SLC22A24: variants seen among roughly 807,000 people sequenced by gnomAD.
SLC22A24 encodes solute carrier family 22 member 24, also known as steroid transmembrane transporter SLC22A24.
SLC22A24 carries 53 observed loss-of-function variants against 49.8 expected under a neutral mutation model. That is an observed-to-expected ratio of 1.06 (90% CI 0.85 to 1.34). SLC22A24 has a LOEUF of 1.34. SLC22A24 is among the 40% of genes most tolerant of loss of function. The pLI, the probability that SLC22A24 is intolerant of heterozygous loss-of-function variation, is 0.00. For synonymous variants in SLC22A24, 302 were observed against 256.4 expected (o/e 1.18, Z -1.70); for missense variants, 786 against 675.9 (o/e 1.16, Z -1.81).
At chr11:63,122,550 C>A (rs2087259347) in intron 2 of SLC22A24, among the ~76,000 whole-genome samples, 1 of 152,130 alleles carries the variant, frequency 6.6e-6, no homozygotes. Context: ...GAGTCTTGCT[C>A]TGCCACCAGG....
intron 4 of SLC22A24, among the ~76,000 whole-genome samples, chr11:63,117,167 G>A (rs1361494146): frequency 6.6e-6 from 1 of 152,026 alleles, no homozygotes; most frequent in Admixed American, 6.6e-5. Context: ...TGAAAACTAG[G>A]CCTTTTAAAC....
At chr11:63,087,062 G>A (rs66887320) in intron 6 of SLC22A24, among the ~76,000 whole-genome samples, 16 of 137,012 alleles carry the variant, frequency 1.2e-4, no homozygotes, top group South Asian at 2.4e-4. Context: ...ACACACAGAG[G>A]GAGAGAGAGA....
At chr11:63,098,766 A>G (rs191902825) in intron 5 of SLC22A24, among the ~76,000 whole-genome samples, 78 of 152,252 alleles carry the variant, frequency 5.1e-4, no homozygotes, top group African/African-American at 1.7e-3. Context: ...CCCCCAAAAT[A>G]GTAGAAGTAA....
chr11:63,128,691 C>T (rs1284434641), intron 2 of SLC22A24, among the ~76,000 whole-genome samples: 1 of 150,718 alleles, frequency 6.6e-6, no homozygotes, highest in East Asian at 1.9e-4. Context: ...TCTGCCTCAG[C>T]TGCCAAATTG....
At chr11:63,122,281 T>C (rs1028143669) in intron 2 of SLC22A24, among the ~76,000 whole-genome samples, 15 of 152,152 alleles carry the variant, frequency 9.9e-5, no homozygotes, top group African/African-American at 3.1e-4. Context: ...CGCTCTTTCA[T>C]AGAAATTAAA....
intron 2 of SLC22A24, among the ~76,000 whole-genome samples, chr11:63,127,792 G>T (rs2087302550): frequency 6.6e-6 from 1 of 151,412 alleles, no homozygotes; most frequent in South Asian, 2.1e-4. Flanking sequence ...GAGAAATGTT[G>T]TTCATATCCT....
chr11:63,113,237 T>G (rs2087187641), intron 4 of SLC22A24, among the ~76,000 whole-genome samples: 1 of 137,280 alleles, frequency 7.3e-6, no homozygotes, highest in Non-Finnish European at 1.5e-5. Context: ...TACATATATA[T>G]ATATATACAC....
At chr11:63,081,192 A>C (rs11231343) in intron 8 of SLC22A24, 69 bp from the exon 9 acceptor site, 167,759 of 1,326,098 alleles carry the variant, frequency 0.13, 11,163 homozygotes, top group South Asian at 0.16. Flanking sequence ...TATCATCATT[A>C]TTTCTTTATG....
chr11:63,126,272 T>C (rs778759187), intron 2 of SLC22A24, among the ~76,000 whole-genome samples: 12 of 152,254 alleles, frequency 7.9e-5, no homozygotes, highest in Admixed American at 3.3e-4. Flanking sequence ...GGTTTTCTTC[T>C]AGGATTTTTA....
intron 6 of SLC22A24, among the ~76,000 whole-genome samples, chr11:63,094,004 A>G (rs1445908499): frequency 1.3e-5 from 2 of 151,850 alleles, no homozygotes; most frequent in Non-Finnish European, 2.9e-5. Context: ...ATTTGTTATT[A>G]TTATACTTTA....
At chr11:63,091,714 A>G (rs183587046) in intron 6 of SLC22A24, among the ~76,000 whole-genome samples, 2 of 152,340 alleles carry the variant, frequency 1.3e-5, no homozygotes, top group Admixed American at 6.5e-5. Flanking sequence ...ACACCCTTTC[A>G]TGCTAAAAAC....
chr11:63,118,400 C>CT (rs1227714533), intron 4 of SLC22A24: 1 of 158,140 alleles, frequency 6.3e-6, no homozygotes, highest in Non-Finnish European at 1.4e-5. Context: ...ATTTTGACAA[C>CT]TTTTTGCTAG....
At chr11:63,139,413 A>G (rs2087398712) in intron 1 of SLC22A24, among the ~76,000 whole-genome samples, 1 of 152,202 alleles carries the variant, frequency 6.6e-6, no homozygotes, top group African/African-American at 2.4e-5. Context: ...ATCAGAAATT[A>G]CTTTTCATTA....
chr11:63,120,001 A>G (rs1168963524), intron 2 of SLC22A24, among the ~76,000 whole-genome samples: 1 of 151,352 alleles, frequency 6.6e-6, no homozygotes, highest in Non-Finnish European at 1.5e-5. Context: ...GTTTGAGTTC[A>G]TTGTAGATTC....
chr11:63,086,824 T>A lies in SLC22A24; in HGVS notation c.1071-3367A>T, dbSNP rs189089291. Among the ~76,000 whole-genome samples, 1,400 of 152,288 alleles carry A rather than the reference T, an allele frequency of 9.2e-3. 29 individuals carry two copies. The highest frequency in any genetic ancestry group is 8.8e-3 in the Non-Finnish European group (597 of 68,022). ...ATGAATATGCTAATTTGTCTCACTA[T>A]AATAATTTTACTATACACATCTCTC... On this transcript the variant is annotated intron_variant, in intron 6 of 9. Coordinates refer to ENST00000612278, the MANE Select transcript of SLC22A24 (RefSeq NM_001136506.2).
chr11:63,137,481 T>C (rs1399874840), intron 1 of SLC22A24, among the ~76,000 whole-genome samples: 1 of 152,208 alleles, frequency 6.6e-6, no homozygotes, highest in Non-Finnish European at 1.5e-5. Context: ...AACTATCTGC[T>C]CTTTGCCTTG....
Position 63,081,127 on chromosome 11 carries a change from A to G in SLC22A24, c.1395-4T>C. The G allele has an allele frequency of 6.4e-7, 1 of 1,550,904 alleles. No individual in the cohort carries two copies. Among genetic ancestry groups the G allele is most frequent in the South Asian group, 1.2e-5 (1 of 84,054 alleles). ...ATTGATTCCTGCAACTGTTGACCTTAGAGTGCAAATAACAATACAAAAAAT... is the reference window on the plus strand; with the variant it reads ...ATTGATTCCTGCAACTGTTGACCTTGGAGTGCAAATAACAATACAAAAAAT... On this transcript the variant is annotated splice_polypyrimidine_tract_variant and splice_region_variant and intron_variant, in intron 8 of 9. Transcript: ENST00000612278.
intron 6 of SLC22A24, among the ~76,000 whole-genome samples, chr11:63,087,216 G>C (rs1012492759): frequency 3.9e-5 from 6 of 152,228 alleles, no homozygotes; most frequent in African/African-American, 1.2e-4. Flanking sequence ...GGTGATCTCC[G>C]CATTTTCAAC....
chr11:63,093,238 G>T (rs542836801), intron 6 of SLC22A24, among the ~76,000 whole-genome samples: 1 of 152,188 alleles, frequency 6.6e-6, no homozygotes, highest in East Asian at 1.9e-4. Flanking sequence ...TACACTGTTT[G>T]TGGGAGTGTA....
Sources: allele counts gnomAD v4.1 joint callset (sites outside exome capture counted in the v4.1 genomes callset), GRCh38; gene constraint gnomAD v4.1.1; transcripts MANE v1.5; gene names NCBI Gene and HGNC (gene_info 2026-07-23, HGNC 2026-07-21).